ZNF91: variants seen among roughly 807,000 people sequenced by gnomAD.
The protein encoded by ZNF91 is zinc finger protein 91 (HPF7, HTF10).
ZNF91 carries 7 observed loss-of-function variants against 12.6 expected under a neutral mutation model. The observed-to-expected ratio is 0.55, with a 90% CI of 0.31 to 1.04. The LOEUF is 1.04. ZNF91 is among the 50% of genes least tolerant of loss of function. The pLI is 0.05. For synonymous variants in ZNF91, 453 were observed against 462.6 expected (o/e 0.98, Z 0.27); for missense variants, 1,217 against 1,385.4 (o/e 0.88, Z 1.93).
chr19:23,348,882 G>T (rs1968298046), intron 3 of ZNF91, among the ~76,000 whole-genome samples: 1 of 152,096 alleles, frequency 6.6e-6, no homozygotes, highest in Admixed American at 6.5e-5. Flanking sequence ...TAACCCTGGG[G>T]AAGGAATGCA....
In ZNF91 at chr19:23,358,013, A is replaced by G. The variant is rs975755680; in HGVS notation, c.*1390T>C. 1 of 152,192 alleles carries G rather than the reference A, an allele frequency of 6.6e-6. No individual in the cohort carries two copies. Among genetic ancestry groups the G allele is most frequent in the Admixed American group, 6.5e-5 (1 of 15,288 alleles). 9.4% of individuals were successfully genotyped at this position (152,192 alleles called of 1,614,324 possible). ...TAGCCTATGGGAACAATATTCTTTA[A>G]CTTAATGGCAATTAAAACTCACTGG... On this transcript the variant is annotated 3_prime_UTR_variant, in exon 4 of 4. Transcript: ENST00000300619.
chr19:23,317,455 T>G (rs1013310301), intron 1 of ZNF91, among the ~76,000 whole-genome samples: 2 of 152,122 alleles, frequency 1.3e-5, no homozygotes, highest in Non-Finnish European at 2.9e-5. Flanking sequence ...GTAAAAATTA[T>G]AAACATGGGT....
chr19:23,366,226 C>T (rs1042235153), intron 3 of ZNF91, among the ~76,000 whole-genome samples: 6 of 151,488 alleles, frequency 4.0e-5, no homozygotes, highest in Admixed American at 2.0e-4. Context: ...CCAGATGGGG[C>T]GGCTGGCCGG....
intron 3 of ZNF91, among the ~76,000 whole-genome samples, chr19:23,348,236 C>T (rs1018385826): frequency 1.3e-5 from 2 of 152,166 alleles, no homozygotes; most frequent in Non-Finnish European, 2.9e-5. Flanking sequence ...ACACCAAAGG[C>T]ACACTCTTTT....
intron 1 of ZNF91, among the ~76,000 whole-genome samples, chr19:23,309,467 C>T (rs1967439135): frequency 6.6e-6 from 1 of 152,174 alleles, no homozygotes; most frequent in African/African-American, 2.4e-5. Flanking sequence ...CTGCTGTTGT[C>T]TGTGCCCTGC....
chr19:23,348,110 T>C (rs1043129571), intron 3 of ZNF91, among the ~76,000 whole-genome samples: 2 of 152,142 alleles, frequency 1.3e-5, no homozygotes, highest in Admixed American at 1.3e-4. Context: ...CAGGCCTCAA[T>C]CTTCAGGCAA....
intron 1 of ZNF91, among the ~76,000 whole-genome samples, chr19:23,375,962 G>A (rs1969491485): frequency 6.6e-6 from 1 of 152,124 alleles, no homozygotes; most frequent in South Asian, 2.1e-4. Context: ...TCAGTTGCAT[G>A]GAAAGTTCAA....
intron 3 of ZNF91, among the ~76,000 whole-genome samples, chr19:23,367,356 T>A (rs1969057386): frequency 7.3e-6 from 1 of 137,718 alleles, no homozygotes; most frequent in African/African-American, 3.1e-5. Context: ...TTATCCACTT[T>A]GTGTTTTCTG....
In ZNF91 at chr19:23,360,329, TC is replaced by T. The variant is rs779434580; in HGVS notation, c.2649del (p.Ser884ValfsTer75). 1.2e-6 allele frequency: 2 copies of T among 1,613,122 alleles called. No homozygotes were observed. The highest frequency in any genetic ancestry group is 2.7e-5 in the African/African-American group (2 of 74,660). ...ATAAATGCTTTGTCACATTCTTCAC[TC>T]TTGGAAGGTTTCTCTTTAGTATGAA... The part of the protein sequence containing the change: ...KIIHTKEKPS[K>X]SEECDKAFIW... On this transcript the variant is annotated frameshift_variant, in exon 4 of 4. Transcript: ENST00000300619. LOFTEE classifies it low-confidence loss of function (END_TRUNC).
At chr19:23,376,857 T>TCTC (rs780555627) in intron 1 of ZNF91, among the ~76,000 whole-genome samples, 6 of 152,198 alleles carry the variant, frequency 3.9e-5, no homozygotes, top group Non-Finnish European at 8.8e-5. Flanking sequence ...TTTTTCTCTT[T>TCTC]CTCCTCCTCC....
At chr19:23,353,472 C>T (rs1239485402), downstream of ZNF91, among the ~76,000 whole-genome samples, 1 of 152,068 alleles carries the variant, frequency 6.6e-6, no homozygotes, top group Non-Finnish European at 1.5e-5. Flanking sequence ...GAAGAGGAAA[C>T]TTCACAGCCC....
chr19:23,336,625 C>T (rs1037618656), downstream of ZNF91, among the ~76,000 whole-genome samples: 1 of 152,136 alleles, frequency 6.6e-6, no homozygotes, highest in African/African-American at 2.4e-5. Flanking sequence ...TGCAAGCTTC[C>T]AGCTCGCTTA....
At chr19:23,395,288 G>T in intron 1 of ZNF91, 37 bp downstream of exon 1, 1 of 1,610,498 alleles carries the variant, frequency 6.2e-7, no homozygotes, top group South Asian at 1.1e-5. Context: ...AACGAGCCCC[G>T]TTCCCTCTCT....
upstream of ZNF91, among the ~76,000 whole-genome samples, chr19:23,315,444 G>A (rs558417310): frequency 6.6e-6 from 1 of 152,212 alleles, no homozygotes; most frequent in Non-Finnish European, 1.5e-5. Flanking sequence ...CTTGTGTCAG[G>A]CCCACAGAAG....
At chr19:23,351,199 C>T (rs981279033) in intron 3 of ZNF91, among the ~76,000 whole-genome samples, 1 of 152,048 alleles carries the variant, frequency 6.6e-6, no homozygotes, top group African/African-American at 2.4e-5. Context: ...ATGGCGCATG[C>T]CTGTAATCCC....
At chr19:23,311,253 G>T (rs1006196687), upstream of ZNF91, among the ~76,000 whole-genome samples, 7 of 152,064 alleles carry the variant, frequency 4.6e-5, no homozygotes, top group African/African-American at 1.7e-4. Flanking sequence ...TAAGGAATTT[G>T]TATGTGTTGA....
intron 1 of ZNF91, among the ~76,000 whole-genome samples, chr19:23,383,083 C>T (rs1209272552): frequency 6.6e-6 from 1 of 152,114 alleles, no homozygotes; most frequent in East Asian, 1.9e-4. Flanking sequence ...AACACTGATA[C>T]AAAAATCTTC....
chr19:23,311,771 G>A (rs948349907), upstream of ZNF91, among the ~76,000 whole-genome samples: 1 of 152,144 alleles, frequency 6.6e-6, no homozygotes, highest in African/African-American at 2.4e-5. Flanking sequence ...ATTGTGTATT[G>A]TGAAATGTGG....
intron 1 of ZNF91, chr19:23,384,715 A>G (rs1476036538): frequency 4.9e-6 from 3 of 607,998 alleles, no homozygotes; most frequent in Non-Finnish European, 9.0e-6. Context: ...TCAAGGGAAC[A>G]ATGAGCTTTT....
Sources: allele counts gnomAD v4.1 joint callset (sites outside exome capture counted in the v4.1 genomes callset), GRCh38; gene constraint gnomAD v4.1.1; transcripts MANE v1.5; gene names NCBI Gene and HGNC (gene_info 2026-07-23, HGNC 2026-07-21).